The following PHKA2 variants were observed in gnomAD, a reference collection of about 807,000 sequenced individuals.
PHKA2 encodes phosphorylase b kinase regulatory subunit alpha, liver isoform.
In PHKA2, 31 loss-of-function variants were observed where a neutral mutation model predicts 102.0. The observed-to-expected ratio is 0.30, with a 90% confidence interval of 0.23 to 0.41. PHKA2 has a LOEUF of 0.41. Ranked by LOEUF, PHKA2 falls within the 10% of genes least tolerant of loss-of-function variation. The pLI, the probability that PHKA2 is intolerant of heterozygous loss-of-function variation, is 1.00. For missense variants in PHKA2, 858 were observed against 1,023.1 expected (o/e 0.84, Z 2.20); for synonymous variants, 455 against 416.2 (o/e 1.09, Z -1.13).
chrX:18,954,624 T>G (rs755943923), intron 1 of PHKA2, among the ~76,000 whole-genome samples: 4 of 112,764 alleles, frequency 3.5e-5, no homozygotes, highest in Non-Finnish European at 5.6e-5. Flanking sequence ...AATGAGGATA[T>G]GTGACTAGAA....
chrX:18,982,025 A>G (rs2049177036), intron 1 of PHKA2, among the ~76,000 whole-genome samples: 1 of 111,953 alleles, frequency 8.9e-6, no homozygotes, highest in Non-Finnish European at 1.9e-5. Flanking sequence ...CATCACAGTC[A>G]TGAAGGGAAA....
chrX:18,901,890 T>TG (rs1402523727), intron 26 of PHKA2, among the ~76,000 whole-genome samples: 1 of 110,200 alleles, frequency 9.1e-6, no homozygotes, highest in Non-Finnish European at 1.9e-5. Flanking sequence ...TCGCCCAGGC[T>TG]GGACTGCAGT....
intron 1 of PHKA2, among the ~76,000 whole-genome samples, chrX:18,979,633 G>T (rs2049142629): frequency 9.0e-6 from 1 of 111,475 alleles, no homozygotes; most frequent in African/African-American, 3.3e-5. Context: ...CCTGCAAAAG[G>T]ACCTTTTTGT....
At position 18,905,745 on chromosome X, in the gene PHKA2, G is replaced by A. The variant is rs1458861877; in HGVS notation, c.2908+13C>T. 2.7e-6 allele frequency: 3 copies of A among 1,115,114 alleles called. No individual in the cohort carries two copies. Among genetic ancestry groups the A allele is most frequent in the Non-Finnish European group, 2.5e-6 (2 of 807,246 alleles). 91.9% of individuals were successfully genotyped at this position (1,115,114 alleles called of 1,213,427 possible). ...CAGCTCCCTGAAGACGTTAACAGGA[G>A]CATGGAACTTACCACTTCTTTCAAC... On this transcript the variant is annotated intron_variant, in intron 26 of 32. Transcript: ENST00000379942.
At chrX:18,906,682 C>G in intron 24 of PHKA2, 54 bp downstream of exon 24, 1 of 1,174,987 alleles carries the variant, frequency 8.5e-7, no homozygotes. Flanking sequence ...GCTGAAGGGT[C>G]CCCTCCACTC....
At chrX:18,897,601 G>C (rs1369144399) in intron 29 of PHKA2, 1 of 383,648 alleles carries the variant, frequency 2.6e-6, no homozygotes, top group Non-Finnish European at 4.6e-6. Context: ...ATAAGGAGGA[G>C]GCCGAACAGG....
At chrX:18,967,089 C>T (rs1397885359) in intron 1 of PHKA2, among the ~76,000 whole-genome samples, 3 of 111,070 alleles carry the variant, frequency 2.7e-5, no homozygotes, top group African/African-American at 6.6e-5. Flanking sequence ...CCTAGGCTGC[C>T]GACTGGGTGG....
intron 32 of PHKA2, 53 bp downstream of exon 32, chrX:18,894,151 T>C: frequency 9.4e-7 from 1 of 1,060,556 alleles, no homozygotes; most frequent in Non-Finnish European, 1.3e-6. Context: ...ACACAGAATC[T>C]CCAGCCTCAA....
chrX:18,894,691 TCATTATTCCTTC>T (rs1601687979), intron 31 of PHKA2: 2 of 415,660 alleles, frequency 4.8e-6, no homozygotes. Flanking sequence ...TCTTTCCTCT[TCATTATTCCTTC>T]CAGCATGAAG....
At chrX:18,976,663 A>G (rs953320021) in intron 1 of PHKA2, among the ~76,000 whole-genome samples, 1 of 111,445 alleles carries the variant, frequency 9.0e-6, no homozygotes, top group African/African-American at 3.3e-5. Context: ...AAACTTTCTC[A>G]TAGGTATCTA....
Position 18,941,619 on chromosome X carries a change from T to C in PHKA2, c.774A>G (p.Gly258=), listed in dbSNP as rs1023772021. Reference sequence around the variant, plus strand: ...CCGGGAAGGAAATAATGGAAAGAAGTCCAGCATCAATTTCTTTAGATGTCG... The same window carrying C: ...CCGGGAAGGAAATAATGGAAAGAAGCCCAGCATCAATTTCTTTAGATGTCG... ...RASTSKEIDA[G]LLSIISFPAF... Residue 258 remains glycine (G), a synonymous_variant, in exon 8 of 33, where the codon GGA becomes GGG. Transcript: ENST00000379942. 5 of 1,166,395 alleles carry C rather than the reference T, an allele frequency of 4.3e-6. No homozygotes were observed. In the African/African-American group the frequency reaches 8.8e-5, roughly 21 times the overall value.
At position 18,918,851 on chromosome X, in the gene PHKA2, C is replaced by A. The variant is rs773731696; in HGVS notation, c.1967G>T (p.Ser656Ile). 2.5e-6 allele frequency: 3 copies of A among 1,210,113 alleles called. No individual in the cohort carries two copies. Among genetic ancestry groups the A allele is most frequent in the Admixed American group, 4.4e-5 (2 of 45,948 alleles). The change falls in exon 19 of 33, where the codon AGC (serine) becomes ATC (isoleucine). Residue 656 changes from serine (S) to isoleucine (I), a missense_variant. This residue lies in a region of PHKA2 where 671 missense variants were observed against 745.2 expected (regional missense o/e 0.90). Transcript: ENST00000379942. ...GYLEDTCNQESQDELDHYINH... is the reference protein window; with the variant it reads ...GYLEDTCNQEIQDELDHYINH... ...GATATAATGGTCAAGTTCGTCTTGG[C>A]TTTCTGTAATTGGACAAGCAAGAAA... is the stretch of plus-strand genomic sequence containing the variant.
chrX:18,938,529 C>G, intron 10 of PHKA2, 98 bp downstream of exon 10: 2 of 891,955 alleles, frequency 2.2e-6, no homozygotes, highest in Non-Finnish European at 3.3e-6. Context: ...ATAACCGAAA[C>G]AGTGACCTAA....
At chrX:18,894,625 C>T (rs1220296464) in intron 31 of PHKA2, 1 of 451,874 alleles carries the variant, frequency 2.2e-6, no homozygotes, top group African/African-American at 2.4e-5. Context: ...CCTGATTTAT[C>T]TACCCTTCCC....
chrX:18,929,369 A>C (rs2048276264), intron 12 of PHKA2, 63 bp from the exon 13 acceptor site: 1 of 770,619 alleles, frequency 1.3e-6, no homozygotes, highest in African/African-American at 2.1e-5. Flanking sequence ...TCTTAAACTG[A>C]AGTGTGAAAA....
At chrX:18,972,257 A>G (rs1253502551) in intron 1 of PHKA2, among the ~76,000 whole-genome samples, 1 of 111,910 alleles carries the variant, frequency 8.9e-6, no homozygotes, top group Non-Finnish European at 1.9e-5. Context: ...CCTCTTTTCC[A>G]CTGGTCAATT....
At chrX:18,951,840 T>TTCA (rs1419254652) in intron 3 of PHKA2, among the ~76,000 whole-genome samples, 1 of 110,654 alleles carries the variant, frequency 9.0e-6, no homozygotes, top group South Asian at 3.9e-4. Context: ...ACTCAAGCAT[T>TTCA]TCATCTCAAT....
intron 9 of PHKA2, among the ~76,000 whole-genome samples, chrX:18,939,194 G>C (rs144142744): frequency 0.02 from 2,175 of 110,761 alleles, 66 homozygotes; most frequent in African/African-American, 0.068. Context: ...TTATTTTTTT[G>C]AGACAGGGTC....
chrX:18,946,180 A>AT lies in PHKA2; in HGVS notation c.538-1023_538-1022insA, dbSNP rs747106281. Among the ~76,000 whole-genome samples the AT allele has an allele frequency of 1.4e-4, 15 of 111,094 alleles. No homozygotes were observed. The South Asian group carries it at 1.9e-3, about 14-fold the overall frequency. ...TGACCTCAGGTGATCCACCTGTCCC[A>AT]GCCTCCCAAAGTGCTGGGATTACAG... On this transcript the variant is annotated intron_variant, in intron 5 of 32. Transcript: ENST00000379942.
Sources: gnomAD v4.1 joint callset for allele counts (sites outside exome capture counted in the v4.1 genomes callset) on GRCh38, gnomAD v4.1.1 for gene constraint, gnomAD v4.1.1 regional missense constraint, MANE v1.5 for transcripts, NCBI Gene and HGNC (gene_info 2026-07-23, HGNC 2026-07-21) for gene names.